The following FRMD3 variants were observed in gnomAD, a reference collection of about 807,000 sequenced individuals.
The protein encoded by FRMD3 is FERM domain-containing protein 3.
FRMD3 carries 33 observed loss-of-function variants against 70.2 expected under a neutral mutation model. The observed-to-expected ratio is 0.47, with a 90% CI of 0.36 to 0.63. FRMD3 has a LOEUF of 0.63. FRMD3 is among the 20% of genes least tolerant of loss of function. The pLI, the probability that FRMD3 is intolerant of heterozygous loss-of-function variation, is 0.00. For synonymous variants in FRMD3, 279 were observed against 255.9 expected, an observed-to-expected ratio of 1.09 and a Z score of -0.86; for missense variants, 632 against 711.4, an observed-to-expected ratio of 0.89 and a Z score of 1.27.
chr9:83,355,160 A>G (rs950338073), intron 3 of FRMD3, among the ~76,000 whole-genome samples: 1 of 152,152 alleles, frequency 6.6e-6, no homozygotes, highest in African/African-American at 2.4e-5. Context: ...CCAAGCTGCT[A>G]AGTGTCTACG....
intron 1 of FRMD3, among the ~76,000 whole-genome samples, chr9:83,400,562 G>T (rs977002726): frequency 2.0e-5 from 3 of 152,168 alleles, no homozygotes; most frequent in African/African-American, 7.2e-5. Flanking sequence ...AAAGGCAAAA[G>T]ATTTAGAGTG....
intron 1 of FRMD3, among the ~76,000 whole-genome samples, chr9:83,403,350 G>A (rs545016898): frequency 6.6e-6 from 1 of 152,256 alleles, no homozygotes; most frequent in Admixed American, 6.5e-5. Context: ...AGAGAAACGG[G>A]AGGAAAGAGA....
chr9:83,438,125 T>C (rs75428014), intron 1 of FRMD3, among the ~76,000 whole-genome samples: 5,772 of 152,124 alleles, frequency 0.038, 187 homozygotes, highest in East Asian at 0.16. Flanking sequence ...AGAAAGGATC[T>C]AACTCAAGGA....
Position 83,467,595 on chromosome 9 carries a change from C to T in FRMD3, c.147+70490G>A, listed in dbSNP as rs1300658714. The T allele has an allele frequency of 5.7e-6, 8 of 1,402,536 alleles. No homozygotes were observed. The South Asian group carries it at 6.1e-5, about 11-fold the overall frequency. The allele number at this position is 1,402,536 out of a possible 1,614,324, so 86.9% of individuals were successfully genotyped here. ...AATAAAAGCGTACCTGAGTTGATTA[C>T]ATTTTAGCTGACTGACACATACCTT... is the stretch of plus-strand genomic sequence containing the variant. On this transcript the variant is annotated intron_variant, in intron 1 of 13. Transcript: ENST00000304195.
chr9:83,473,075 A>C (rs1285418640), intron 1 of FRMD3, among the ~76,000 whole-genome samples: 2 of 152,044 alleles, frequency 1.3e-5, no homozygotes, highest in African/African-American at 4.8e-5. Flanking sequence ...AACCTCCAAA[A>C]TCAATCATTA....
chr9:83,385,242 T>C (rs1825479240), intron 2 of FRMD3, among the ~76,000 whole-genome samples: 1 of 152,190 alleles, frequency 6.6e-6, no homozygotes, highest in African/African-American at 2.4e-5. Context: ...GAATTACTTC[T>C]AGACTTATTG....
chr9:83,508,691 T>C (rs942299321), intron 1 of FRMD3, among the ~76,000 whole-genome samples: 1 of 151,990 alleles, frequency 6.6e-6, no homozygotes. Flanking sequence ...CAGTGCCTGG[T>C]TTCTCACCTC....
intron 13 of FRMD3, among the ~76,000 whole-genome samples, chr9:83,262,692 T>A (rs1028270751): frequency 1.3e-5 from 2 of 152,192 alleles, no homozygotes; most frequent in African/African-American, 4.8e-5. Flanking sequence ...TCATGCTATG[T>A]CATGCCTCTG....
rs557971302 is a variant in FRMD3 at position 83,313,485 on chromosome 9, G to C, written c.684+175C>G. Among the ~76,000 whole-genome samples the C allele has an allele frequency of 7.9e-5, 12 of 152,326 alleles. 1 individual carries two copies. The South Asian group carries it at 1.5e-3, about 18-fold the overall frequency. On this transcript the variant is annotated intron_variant, in intron 7 of 13. Coordinates refer to ENST00000304195, the MANE Select transcript of FRMD3 (RefSeq NM_174938.6). ...AATGAACAATTGGAAGACTCCAATGGAGAAAATCAGCTGCCAAAACATGTA... is the reference window on the plus strand; with the variant it reads ...AATGAACAATTGGAAGACTCCAATGCAGAAAATCAGCTGCCAAAACATGTA...
intron 13 of FRMD3, among the ~76,000 whole-genome samples, chr9:83,265,066 C>A (rs939811122): frequency 6.6e-6 from 1 of 152,002 alleles, no homozygotes; most frequent in Non-Finnish European, 1.5e-5. Context: ...ATACAGAAAG[C>A]AAATAGTTTG....
intron 1 of FRMD3, among the ~76,000 whole-genome samples, chr9:83,418,234 T>C (rs1307768613): frequency 3.3e-5 from 5 of 152,088 alleles, no homozygotes; most frequent in African/African-American, 4.8e-5. Flanking sequence ...AATTCATGAC[T>C]AAGACCCCAA....
At chr9:83,266,904 A>C in intron 13 of FRMD3, 2 of 1,181,932 alleles carry the variant, frequency 1.7e-6, no homozygotes, top group Non-Finnish European at 2.4e-6. Flanking sequence ...CTTATCAAAA[A>C]CCTCTGACAC....
chr9:83,422,873 C>T (rs1338903665), intron 1 of FRMD3, among the ~76,000 whole-genome samples: 1 of 152,192 alleles, frequency 6.6e-6, no homozygotes, highest in African/African-American at 2.4e-5. Context: ...CTTGCTTAAA[C>T]CATCACAGTA....
intron 1 of FRMD3, among the ~76,000 whole-genome samples, chr9:83,474,216 C>A (rs1248335736): frequency 6.6e-6 from 1 of 152,198 alleles, no homozygotes; most frequent in South Asian, 2.1e-4. Flanking sequence ...GACAAAGCCA[C>A]TAGAAATCAT....
intron 2 of FRMD3, among the ~76,000 whole-genome samples, 179 bp from the exon 3 acceptor site, chr9:83,373,134 A>AT (rs1260495177): frequency 6.6e-6 from 1 of 152,208 alleles, no homozygotes; most frequent in Non-Finnish European, 1.5e-5. Flanking sequence ...GCAGACAAGG[A>AT]TATAAATTAC....
At chr9:83,374,969 G>A (rs1296255989) in intron 2 of FRMD3, among the ~76,000 whole-genome samples, 1 of 152,192 alleles carries the variant, frequency 6.6e-6, no homozygotes, top group East Asian at 1.9e-4. Flanking sequence ...TGCTAATAAA[G>A]TCTGAAATAT....
rs776939619 is a variant in FRMD3, at chr9:83,299,193, GA to G, written c.927-8del. On this transcript the variant is annotated splice_region_variant and splice_polypyrimidine_tract_variant and intron_variant, in intron 10 of 13. Transcript: ENST00000304195. ...CTGACTGGATTTTGCATACCTTTAA[GA>G]AAAAGCAAAGCACAGGTGGTTAGGA... 4 of 1,602,938 alleles carry G rather than the reference GA, an allele frequency of 2.5e-6. No individual in the cohort carries two copies. Among genetic ancestry groups the G allele is most frequent in the African/African-American group, 2.7e-5 (2 of 74,530 alleles).
intron 1 of FRMD3, among the ~76,000 whole-genome samples, chr9:83,459,939 T>C (rs963385072): frequency 6.6e-6 from 1 of 152,252 alleles, no homozygotes; most frequent in African/African-American, 2.4e-5. Flanking sequence ...CCTCAGTGCA[T>C]GCGCACTGGA....
chr9:83,487,573 T>C (rs1268372691), intron 1 of FRMD3, among the ~76,000 whole-genome samples: 1 of 152,194 alleles, frequency 6.6e-6, no homozygotes, highest in Non-Finnish European at 1.5e-5. Flanking sequence ...AGATTTAATA[T>C]AACAAATGTT....
Sources: gnomAD v4.1 joint callset for allele counts (sites outside exome capture counted in the v4.1 genomes callset) on GRCh38, gnomAD v4.1.1 for gene constraint, MANE v1.5 for transcripts, NCBI Gene and HGNC (gene_info 2026-07-23, HGNC 2026-07-21) for gene names.